Variants in HIVEP2 observed in about 807,000 individuals in gnomAD.
HIVEP2 encodes the protein transcription factor HIVEP2.
In HIVEP2, 14 loss-of-function variants were observed where a neutral mutation model predicts 180.7. The ratio of observed to expected loss-of-function variants is 0.08; its 90% confidence interval spans 0.05 to 0.12. The LOEUF (loss-of-function observed/expected upper bound fraction) is 0.12. Ranked by LOEUF, HIVEP2 falls within the 10% of genes least tolerant of loss-of-function variation. The probability of loss-of-function intolerance (pLI) is 1.00; values close to 1 mark genes in which losing one functional copy is unlikely to be tolerated. For synonymous variants in HIVEP2, 1,184 were observed against 1,136.4 expected (o/e 1.04, Z -0.84); for missense variants, 2,579 against 3,008.5 (o/e 0.86, Z 3.34).
chr6:142,853,552 C>T (rs758865881), intron 1 of HIVEP2, among the ~76,000 whole-genome samples: 10 of 152,192 alleles, frequency 6.6e-5, no homozygotes, highest in African/African-American at 1.9e-4. Context: ...ATTTAGAATT[C>T]GCCTAAGGCA....
At chr6:142,889,411 T>C (rs1776797532) in intron 1 of HIVEP2, among the ~76,000 whole-genome samples, 2 of 152,268 alleles carry the variant, frequency 1.3e-5, no homozygotes, top group East Asian at 1.9e-4. Context: ...TGAGCTGTGA[T>C]GATGCCACTG....
chr6:142,776,524 A>AGGC (rs1775703578), intron 3 of HIVEP2, among the ~76,000 whole-genome samples: 1 of 130,654 alleles, frequency 7.7e-6, no homozygotes, highest in African/African-American at 2.9e-5. Flanking sequence ...GTTGAGATAC[A>AGGC]GGCGTTTTTT....
intron 1 of HIVEP2, among the ~76,000 whole-genome samples, chr6:142,911,434 C>A (rs1051304916): frequency 3.3e-5 from 5 of 152,148 alleles, no homozygotes; most frequent in Non-Finnish European, 5.9e-5. Flanking sequence ...AAGTGTCCTG[C>A]AGGCTTATTA....
At chr6:142,941,945 G>A (rs1049338145) in intron 1 of HIVEP2, among the ~76,000 whole-genome samples, 1 of 152,058 alleles carries the variant, frequency 6.6e-6, no homozygotes. Context: ...ATATGAAAAC[G>A]GTGTTTATTT....
intron 9 of HIVEP2, 107 bp from the exon 10 acceptor site, chr6:142,754,038 G>T: frequency 1.6e-6 from 1 of 608,896 alleles, no homozygotes; most frequent in Non-Finnish European, 2.9e-6. Flanking sequence ...TCACTACCTA[G>T]AGAGGCTTCA....
chr6:142,886,288 T>G (rs1334653908), intron 1 of HIVEP2, among the ~76,000 whole-genome samples: 3 of 152,216 alleles, frequency 2.0e-5, no homozygotes, highest in Non-Finnish European at 4.4e-5. Context: ...AGATGTTAAC[T>G]AAGACAAATT....
intron 1 of HIVEP2, among the ~76,000 whole-genome samples, chr6:142,897,565 A>G (rs947019581): frequency 1.3e-5 from 2 of 152,230 alleles, no homozygotes; most frequent in African/African-American, 4.8e-5. Context: ...TCACTGACAT[A>G]CCATGGAGTG....
rs1033080889 is a variant in HIVEP2 at position 142,821,762 on chromosome 6, A to T, written c.-528+15173T>A. Among the ~76,000 whole-genome samples, 3 of 152,262 alleles carry T rather than the reference A, an allele frequency of 2.0e-5. No homozygotes were observed. The South Asian group carries it at 6.2e-4, about 32-fold the overall frequency. On this transcript the variant is annotated intron_variant, in intron 2 of 9. Transcript: ENST00000367603. ...TAATACTCACATTGCTTGAAACACCACCACCAAAACTAGGTCAAGCAATCA... is the reference window on the plus strand; with the variant it reads ...TAATACTCACATTGCTTGAAACACCTCCACCAAAACTAGGTCAAGCAATCA...
At chr6:142,796,083 T>G (rs2206069) in intron 2 of HIVEP2, among the ~76,000 whole-genome samples, 1 of 151,760 alleles carries the variant, frequency 6.6e-6, no homozygotes. Context: ...TATATTGCTG[T>G]TGTCATTGAT....
At chr6:142,911,700 GACA>G (rs1234849279) in intron 1 of HIVEP2, among the ~76,000 whole-genome samples, 1 of 152,080 alleles carries the variant, frequency 6.6e-6, no homozygotes, top group Non-Finnish European at 1.5e-5. Context: ...TCAGAAATGA[GACA>G]ACAAGCCATT....
chr6:142,889,356 G>C (rs1181920330), intron 1 of HIVEP2, among the ~76,000 whole-genome samples: 3 of 152,108 alleles, frequency 2.0e-5, no homozygotes, highest in Non-Finnish European at 4.4e-5. Context: ...CTAGCTACTT[G>C]GGAAGCAGAG....
chr6:142,884,828 A>G (rs946898795), intron 1 of HIVEP2, among the ~76,000 whole-genome samples: 2 of 152,162 alleles, frequency 1.3e-5, no homozygotes, highest in Admixed American at 1.3e-4. Context: ...AGAGGTGGGG[A>G]AAAAGCAAGA....
At chr6:142,850,632 G>A (rs555762071) in intron 1 of HIVEP2, among the ~76,000 whole-genome samples, 1 of 152,174 alleles carries the variant, frequency 6.6e-6, no homozygotes, top group African/African-American at 2.4e-5. Context: ...GAAAGAAAAT[G>A]ATTATGACAA....
chr6:142,893,985 C>T (rs762812155), intron 1 of HIVEP2, among the ~76,000 whole-genome samples: 4 of 152,174 alleles, frequency 2.6e-5, no homozygotes, highest in Non-Finnish European at 5.9e-5. Context: ...GCTTATAGTT[C>T]ATAAAGCATC....
Position 142,752,916 on chromosome 6 carries a change from A to T in HIVEP2, c.*191T>A, listed in dbSNP as rs1774955940. On this transcript the variant is annotated 3_prime_UTR_variant, in exon 10 of 10. Coordinates refer to ENST00000367603, the MANE Select transcript of HIVEP2 (RefSeq NM_006734.4). ...TACCAGACCCAATAGGTTAATTTCA[A>T]ATTTTGTTTTGGTCAGGCTCATGAT... 1 of 559,538 alleles carries T rather than the reference A, an allele frequency of 1.8e-6. No individual in the cohort carries two copies. The highest frequency in any genetic ancestry group is 2.5e-5 in the South Asian group (1 of 39,592). 34.7% of individuals were successfully genotyped at this position (559,538 alleles called of 1,614,324 possible).
intron 1 of HIVEP2, among the ~76,000 whole-genome samples, chr6:142,854,933 A>G (rs1775779577): frequency 6.6e-6 from 1 of 152,088 alleles, no homozygotes; most frequent in Non-Finnish European, 1.5e-5. Context: ...CTCCACCACA[A>G]ATGACTCCAT....
At chr6:142,869,391 T>C (rs962703477) in intron 1 of HIVEP2, among the ~76,000 whole-genome samples, 3 of 152,228 alleles carry the variant, frequency 2.0e-5, no homozygotes, top group Non-Finnish European at 4.4e-5. Flanking sequence ...ATATATATAG[T>C]ATCAACTATG....
chr6:142,819,887 G>T (rs753680810), intron 2 of HIVEP2, among the ~76,000 whole-genome samples: 1 of 152,108 alleles, frequency 6.6e-6, no homozygotes, highest in African/African-American at 2.4e-5. Flanking sequence ...ATCCATGTCC[G>T]TGCAATAAAA....
At chr6:142,910,442 A>G (rs1001995028) in intron 1 of HIVEP2, among the ~76,000 whole-genome samples, 1 of 152,188 alleles carries the variant, frequency 6.6e-6, no homozygotes, top group African/African-American at 2.4e-5. Flanking sequence ...CTCTACTAAA[A>G]AACACAAAAA....
Sources: gnomAD v4.1 joint callset for allele counts (sites outside exome capture counted in the v4.1 genomes callset) on GRCh38, gnomAD v4.1.1 for gene constraint, MANE v1.5 for transcripts, NCBI Gene and HGNC (gene_info 2026-07-23, HGNC 2026-07-21) for gene names.